HGD: variants seen among roughly 807,000 people sequenced by gnomAD.
HGD encodes the protein homogentisate oxidase.
HGD carries 61 observed loss-of-function variants against 60.8 expected under a neutral mutation model. The observed-to-expected ratio is 1.00, with a 90% CI of 0.82 to 1.24. The LOEUF is 1.24. Among genes scored for constraint, HGD ranks in the 50% most tolerant of loss-of-function variants. The pLI is 0.00. For missense variants in HGD, 542 were observed against 547.1 expected (o/e 0.99, Z 0.09); for synonymous variants, 212 against 187.7 (o/e 1.13, Z -1.06).
chr3:120,659,879 TC>T (rs200839721), intron 4 of HGD, among the ~76,000 whole-genome samples: 2,907 of 147,138 alleles, frequency 0.02, 82 homozygotes, highest in African/African-American at 0.067. Flanking sequence ...AAGTTTTCAA[TC>T]ATGGCAGAAG....
chr3:120,645,160 A>G (rs572208488), intron 9 of HGD, among the ~76,000 whole-genome samples: 232 of 152,306 alleles, frequency 1.5e-3, no homozygotes, highest in African/African-American at 5.1e-3. Flanking sequence ...TTAGCAAATT[A>G]TAGATATTTT....
rs562921960 is a variant in HGD at position 120,679,118 on chromosome 3, G to T, written c.15+2979C>A. ...TCTAAATGCAAGAATAAATTCCTGA[G>T]CTCCATGTGACTTCAGTACCATCAG... On this transcript the variant is annotated intron_variant, in intron 1 of 13. Transcript: ENST00000283871. Among the ~76,000 whole-genome samples, 63 of 152,330 alleles carry T rather than the reference G, an allele frequency of 4.1e-4. No homozygotes were observed. The South Asian group carries it at 0.013, about 31-fold the overall frequency.
chr3:120,652,859 T>G (rs921270884), intron 4 of HGD, among the ~76,000 whole-genome samples: 1 of 152,150 alleles, frequency 6.6e-6, no homozygotes, highest in Non-Finnish European at 1.5e-5. Flanking sequence ...TGCACACACA[T>G]GTTTGTGTGT....
At chr3:120,639,880 A>G (rs911576677) in intron 11 of HGD, among the ~76,000 whole-genome samples, 2 of 152,166 alleles carry the variant, frequency 1.3e-5, no homozygotes, top group African/African-American at 4.8e-5. Context: ...AAAACTCTTC[A>G]GAATTCTTTA....
intron 9 of HGD, chr3:120,644,731 G>A (rs1941106845): frequency 3.8e-6 from 3 of 796,524 alleles, no homozygotes; most frequent in South Asian, 3.2e-5. Context: ...GTGAGGGGAA[G>A]GGAAGAGAGA....
At chr3:120,658,728 C>A (rs1013875126) in intron 4 of HGD, among the ~76,000 whole-genome samples, 1 of 152,248 alleles carries the variant, frequency 6.6e-6, no homozygotes, top group African/African-American at 2.4e-5. Flanking sequence ...TCCGCCCCTG[C>A]AGCTGGCTTC....
chr3:120,644,611 C>A, intron 9 of HGD, 168 bp from the exon 10 acceptor site: 1 of 1,533,742 alleles, frequency 6.5e-7, no homozygotes. Flanking sequence ...TTAGGAAGAC[C>A]CAAGGAATCT....
At position 120,674,413 on chromosome 3, in the gene HGD, A is replaced by T. The variant is rs564949997; in HGVS notation, c.176+488T>A. ...CCAGAGTAAAAACCTTATTAATTCAAACCACAGTGGGCCATAATATGTGAC... is the reference window on the plus strand; with the variant it reads ...CCAGAGTAAAAACCTTATTAATTCATACCACAGTGGGCCATAATATGTGAC... On this transcript the variant is annotated intron_variant, in intron 3 of 13. Transcript: ENST00000283871. Among the ~76,000 whole-genome samples, 4 of 152,314 alleles carry T rather than the reference A, an allele frequency of 2.6e-5. No individual in the cohort carries two copies. The East Asian group carries it at 7.7e-4, about 29-fold the overall frequency.
chr3:120,628,266 T>C lies in HGD; in HGVS notation c.*114A>G. 4 of 1,225,334 alleles carry C rather than the reference T, an allele frequency of 3.3e-6. No individual in the cohort carries two copies. The Admixed American group carries it at 5.2e-5, about 16-fold the overall frequency. The allele number at this position is 1,225,334 out of a possible 1,614,324, so 75.9% of individuals were successfully genotyped here. On this transcript the variant is annotated 3_prime_UTR_variant, in exon 14 of 14. Coordinates refer to ENST00000283871, the MANE Select transcript of HGD (RefSeq NM_000187.4). ...ATAAAAGTTCTGAGTTACTTGACTA[T>C]GAAAAGTGAATTTTCATTTTAACCA...
chr3:120,632,513 C>T (rs1180031350), intron 13 of HGD, among the ~76,000 whole-genome samples: 3 of 152,132 alleles, frequency 2.0e-5, no homozygotes, highest in Non-Finnish European at 4.4e-5. Context: ...GCATCCATGC[C>T]AAAGCAGAGC....
intron 9 of HGD, among the ~76,000 whole-genome samples, chr3:120,645,308 C>T (rs1941125929): frequency 6.6e-6 from 1 of 152,172 alleles, no homozygotes; most frequent in African/African-American, 2.4e-5. Flanking sequence ...CTTGCTGCCT[C>T]CCACCTTCCT....
chr3:120,635,284 T>C (rs146141724), intron 12 of HGD, among the ~76,000 whole-genome samples: 7 of 152,136 alleles, frequency 4.6e-5, no homozygotes, highest in Admixed American at 3.9e-4. Context: ...GAGACCATCC[T>C]GGCCAACATG....
rs1316393965 is a variant in HGD, at chr3:120,628,484, C to T, written c.1234G>A (p.Gly412Arg). ...TCCAAACACCTGGAGGCCTTGAGTC[C>T]CCACTTTGTGACCGCCAGACTTAAA... ...SSLSLAVTKWGLKASRCLDEN... is the reference protein window; with the variant it reads ...SSLSLAVTKWRLKASRCLDEN... Residue 412 changes from glycine to arginine, a missense_variant, in exon 14 of 14, where the codon GGA (glycine) becomes AGA (arginine). Around this residue, in one of 2 missense-constraint regions of HGD, gnomAD observed 537 missense variants for 529.1 expected, o/e 1.01. Transcript: ENST00000283871. 1.2e-6 allele frequency: 2 copies of T among 1,613,886 alleles called. No individual in the cohort carries two copies. The highest frequency in any genetic ancestry group is 1.7e-6 in the Non-Finnish European group (2 of 1,179,962).
intron 2 of HGD, 46 bp downstream of exon 2, chr3:120,675,746 C>T: frequency 1.4e-6 from 2 of 1,474,382 alleles, no homozygotes; most frequent in East Asian, 4.5e-5. Context: ...GCTAGTCATC[C>T]AGGAATAGGA....
intron 4 of HGD, among the ~76,000 whole-genome samples, chr3:120,666,465 A>C (rs1214898014): frequency 6.6e-6 from 1 of 152,086 alleles, no homozygotes; most frequent in Non-Finnish European, 1.5e-5. Context: ...AGAAACTTCC[A>C]ATGCAGCTAT....
chr3:120,660,841 G>T (rs1348165315), intron 4 of HGD, among the ~76,000 whole-genome samples: 1 of 152,126 alleles, frequency 6.6e-6, no homozygotes, highest in African/African-American at 2.4e-5. Flanking sequence ...AGTCTTTCAT[G>T]AGGCTACAAA....
intron 3 of HGD, among the ~76,000 whole-genome samples, chr3:120,673,021 G>A (rs1559801186): frequency 6.6e-6 from 1 of 152,124 alleles, no homozygotes; most frequent in East Asian, 1.9e-4. Flanking sequence ...GGCCCTGTAT[G>A]CTATGGTTCA....
chr3:120,663,804 A>G (rs996043933), intron 4 of HGD, among the ~76,000 whole-genome samples: 2 of 126,138 alleles, frequency 1.6e-5, no homozygotes, highest in Non-Finnish European at 3.6e-5. Flanking sequence ...ATTGGATTAT[A>G]ATATAATATC....
chr3:120,655,089 AAAC>A (rs1372554556), intron 4 of HGD, among the ~76,000 whole-genome samples: 7 of 152,046 alleles, frequency 4.6e-5, no homozygotes, highest in African/African-American at 1.7e-4. Context: ...AAAACAACAA[AAAC>A]AACAACAACA....
Sources: allele counts gnomAD v4.1 joint callset (sites outside exome capture counted in the v4.1 genomes callset), GRCh38; gene constraint gnomAD v4.1.1; regional missense constraint gnomAD v4.1.1; transcripts MANE v1.5; gene names NCBI Gene and HGNC (gene_info 2026-07-23, HGNC 2026-07-21).